TENM2: variants seen among roughly 807,000 people sequenced by gnomAD.
TENM2 encodes teneurin-2.
A neutral mutation model predicts 245.2 loss-of-function variants in TENM2; 52 were observed. That is an observed-to-expected ratio of 0.21 (90% confidence interval 0.17 to 0.27). The LOEUF (loss-of-function observed/expected upper bound fraction) is 0.27. Ranked by LOEUF, TENM2 falls within the 10% of genes least tolerant of loss-of-function variation. The pLI is 1.00. For synonymous variants in TENM2, 1,363 were observed against 1,438.9 expected (o/e 0.95, Z 1.19); for missense variants, 3,046 against 3,666.8 (o/e 0.83, Z 4.37).
chr5:166,998,076 T>C, the TENM2 span, among the ~76,000 whole-genome samples: 7 of 152,264 alleles, frequency 4.6e-5, no homozygotes, highest in Admixed American at 2.0e-4. Context: ...ATGTATGATA[T>C]TTGAGCTAAG....
intron 26 of TENM2, among the ~76,000 whole-genome samples, chr5:168,245,891 C>G (rs1324134666): frequency 1.3e-5 from 2 of 152,090 alleles, no homozygotes; most frequent in Non-Finnish European, 2.9e-5. Context: ...TTTTTTTCCC[C>G]CAAAGAATCA....
exon 21 of TENM2, chr5:168,215,098 G>A (rs572013329): frequency 4.3e-6 from 7 of 1,613,834 alleles, no homozygotes; most frequent in South Asian, 2.2e-5. Flanking sequence ...CTCGCTCTAC[G>A]TGTCCGACAC....
the TENM2 span, among the ~76,000 whole-genome samples, chr5:167,146,139 G>T: frequency 6.6e-6 from 1 of 152,136 alleles, no homozygotes; most frequent in Admixed American, 6.6e-5. Context: ...TATCACCAAA[G>T]CTCTCTGCCA....
the TENM2 span, among the ~76,000 whole-genome samples, chr5:167,191,578 A>G: frequency 9.2e-5 from 14 of 152,184 alleles, no homozygotes; most frequent in Admixed American, 4.6e-4. Context: ...GATGAAAGGC[A>G]TGCATATTAG....
intron 10 of TENM2, among the ~76,000 whole-genome samples, chr5:168,119,501 G>C (rs1795320036): frequency 6.6e-6 from 1 of 152,230 alleles, no homozygotes; most frequent in Non-Finnish European, 1.5e-5. Flanking sequence ...AAGCTATGCT[G>C]CCTGTCAGCC....
intron 1 of TENM2, among the ~76,000 whole-genome samples, chr5:167,327,464 T>TA (rs756959586): frequency 7.9e-5 from 12 of 152,146 alleles, no homozygotes; most frequent in Non-Finnish European, 1.2e-4. Context: ...CAAATTGGAA[T>TA]AAATGCAAAA....
chr5:167,173,121 TA>T, the TENM2 span, among the ~76,000 whole-genome samples: 1 of 152,202 alleles, frequency 6.6e-6, no homozygotes, highest in Non-Finnish European at 1.5e-5. Flanking sequence ...AAAGCATGAA[TA>T]GTTACAGCAG....
At chr5:167,872,564 A>AAG in intron 2 of TENM2, among the ~76,000 whole-genome samples, 1 of 45,428 alleles carries the variant, frequency 2.2e-5, no homozygotes, top group Non-Finnish European at 8.2e-5. Context: ...GAAAGAAAGA[A>AAG]AGAAAGAAAG....
intron 2 of TENM2, among the ~76,000 whole-genome samples, chr5:167,643,268 C>A (rs973594038): frequency 2.0e-5 from 3 of 152,178 alleles, no homozygotes; most frequent in Admixed American, 2.0e-4. Context: ...AATCTTCATT[C>A]CCACACCCCG....
At chr5:167,214,766 A>T in the TENM2 span, among the ~76,000 whole-genome samples, 1 of 152,194 alleles carries the variant, frequency 6.6e-6, no homozygotes. Flanking sequence ...CGATGAATGA[A>T]TAAGATGAAT....
At chr5:167,681,703 CA>C (rs1554099985) in intron 2 of TENM2, among the ~76,000 whole-genome samples, 1 of 152,064 alleles carries the variant, frequency 6.6e-6, no homozygotes, top group Non-Finnish European at 1.5e-5. Context: ...TATATGTACA[CA>C]TGCCCAAATT....
intron 2 of TENM2, among the ~76,000 whole-genome samples, chr5:167,573,628 A>G (rs1774434981): frequency 6.6e-6 from 1 of 151,324 alleles, no homozygotes; most frequent in Non-Finnish European, 1.5e-5. Context: ...CGTTGTCACA[A>G]TTCATTGACT....
chr5:168,134,723 A>T (rs961988758), intron 12 of TENM2, among the ~76,000 whole-genome samples: 2 of 152,164 alleles, frequency 1.3e-5, no homozygotes. Flanking sequence ...CATTTCTTCC[A>T]CTTCCAACCT....
chr5:167,884,616 A>G (rs1774139212), intron 3 of TENM2, among the ~76,000 whole-genome samples: 1 of 152,134 alleles, frequency 6.6e-6, no homozygotes, highest in Non-Finnish European at 1.5e-5. Flanking sequence ...AAACTATTCA[A>G]TTTTCCTTAT....
chr5:167,028,443 C>A, the TENM2 span, among the ~76,000 whole-genome samples: 1 of 151,960 alleles, frequency 6.6e-6, no homozygotes, highest in Non-Finnish European at 1.5e-5. Context: ...TTGATTTACC[C>A]ATGTTTTTAC....
At chr5:167,567,078 CTATT>C (rs1366288923) in intron 2 of TENM2, among the ~76,000 whole-genome samples, 5 of 152,082 alleles carry the variant, frequency 3.3e-5, no homozygotes, top group South Asian at 4.1e-4. Flanking sequence ...TTTCAGAAAA[CTATT>C]TATATCACAA....
chr5:167,841,143 A>G (rs1438347358), intron 2 of TENM2, among the ~76,000 whole-genome samples: 2 of 151,032 alleles, frequency 1.3e-5, no homozygotes, highest in Non-Finnish European at 2.9e-5. Context: ...TGCAACCTCC[A>G]TCTCCCAGGT....
intron 2 of TENM2, among the ~76,000 whole-genome samples, chr5:167,552,919 T>TAATGAATGAATG (rs10657967): frequency 0.011 from 1,692 of 150,674 alleles, 13 homozygotes; most frequent in African/African-American, 0.023. Context: ...GGTAAGTTAA[T>TAATGAATGAATG]AATGAATGAA....
At chr5:167,282,118 T>C (rs1771100873), upstream of TENM2, among the ~76,000 whole-genome samples, 2 of 152,132 alleles carry the variant, frequency 1.3e-5, no homozygotes, top group South Asian at 4.1e-4. Flanking sequence ...GTCAGTCTAC[T>C]TTCCCAAGCA....
Sources: allele counts gnomAD v4.1 joint callset (sites outside exome capture counted in the v4.1 genomes callset), GRCh38; gene constraint gnomAD v4.1.1; transcripts MANE v1.5; gene names NCBI Gene and HGNC (gene_info 2026-07-23, HGNC 2026-07-21).